Variants in PASD1 observed in about 807,000 individuals in gnomAD.
PASD1 encodes the protein PAS domain containing repressor 1.
PASD1 carries 13 observed loss-of-function variants against 58.8 expected under a neutral mutation model. The ratio of observed to expected loss-of-function variants is 0.22; its 90% CI spans 0.14 to 0.35. PASD1 has a LOEUF of 0.35. Among genes scored for constraint, PASD1 ranks in the 10% least tolerant of loss-of-function variants. PASD1 has a pLI of 1.00. For synonymous variants in PASD1, 236 were observed against 216.7 expected (o/e 1.09, Z -0.78); for missense variants, 734 against 568.3 (o/e 1.29, Z -2.96).
chrX:151,588,045 A>C (rs2013192597), intron 1 of PASD1, among the ~76,000 whole-genome samples: 1 of 112,159 alleles, frequency 8.9e-6, no homozygotes, highest in Admixed American at 9.5e-5. Flanking sequence ...CTCACTGATT[A>C]AATGCCTTTA....
At chrX:151,629,298 TTAGTAGGGACGGG>T (rs1426069914) in intron 8 of PASD1, among the ~76,000 whole-genome samples, 2 of 110,595 alleles carry the variant, frequency 1.8e-5, no homozygotes, top group Non-Finnish European at 3.8e-5. Flanking sequence ...TTTTATATTT[TTAGTAGGGACGGG>T]GTTTCACCAT....
Position 151,672,336 on chromosome X carries a change from A to C in PASD1, c.1591A>C (p.Lys531Gln), listed in dbSNP as rs928710934. 3 of 1,178,298 alleles carry C rather than the reference A, an allele frequency of 2.5e-6. No homozygotes were observed. Among genetic ancestry groups the C allele is most frequent in the Admixed American group, 5.0e-5 (2 of 40,053 alleles). The change falls in exon 14 of 16, where the codon AAG (lysine) becomes CAG (glutamine). Residue 531 changes from lysine (K) to glutamine (Q), a missense_variant. Lys to Gln is a moderately conservative substitution (Grantham distance 53, BLOSUM62 1). Coordinates refer to ENST00000370357, the MANE Select transcript of PASD1 (RefSeq NM_173493.3). ...GGAGCAGAAAATGCAGGAGAAGAAG[A>C]AGCTGCAGGAGCAGAGGCGGCAAAA... ...LQEQKMQEKK[K>Q]LQEQRRQKKK...
At chrX:151,646,633 T>G (rs137919556) in intron 8 of PASD1, among the ~76,000 whole-genome samples, 2 of 112,784 alleles carry the variant, frequency 1.8e-5, no homozygotes, top group Non-Finnish European at 3.7e-5. Flanking sequence ...TATAAAGTTA[T>G]GCACTATTTA....
At chrX:151,620,706 G>A (rs2013694660) in intron 4 of PASD1, among the ~76,000 whole-genome samples, 1 of 110,868 alleles carries the variant, frequency 9.0e-6, no homozygotes, top group Non-Finnish European at 1.9e-5. Flanking sequence ...TATGGTAGAG[G>A]GAAAGAGCAC....
At chrX:151,668,201 A>G (rs2124315449) in intron 11 of PASD1, among the ~76,000 whole-genome samples, 1 of 111,699 alleles carries the variant, frequency 9.0e-6, no homozygotes, top group South Asian at 3.8e-4. Context: ...ATTTACTGAG[A>G]GTTTTTAGCA....
chrX:151,580,508 C>CTTTTTTTTTTTTTTTTTTTTTTTTTTT (rs200293926), intron 1 of PASD1, among the ~76,000 whole-genome samples: 1 of 67,186 alleles, frequency 1.5e-5, no homozygotes, highest in Non-Finnish European at 3.0e-5. Flanking sequence ...TTCTTTTTTT[C>CTTTTTTTTTTTTTTTTTTTTTTTTTTT]TTTTTTTTTT....
chrX:151,600,215 T>C (rs1330315052), intron 1 of PASD1, among the ~76,000 whole-genome samples: 1 of 108,077 alleles, frequency 9.3e-6, no homozygotes, highest in Non-Finnish European at 1.9e-5. Flanking sequence ...ATGGTGGCAG[T>C]ACAGTCCAGC....
rs778651861 is a variant in PASD1 at position 151,648,718 on chromosome X, A to G, written c.717+16A>G. 9 of 1,202,458 alleles carry G rather than the reference A, an allele frequency of 7.5e-6. No individual in the cohort carries two copies. The highest frequency in any genetic ancestry group is 9.0e-6 in the Non-Finnish European group (8 of 888,769). ...TATCTCAGACGTATGTACATTGAGG[A>G]CCATAGACTACAATCTTAGACCCTT... On this transcript the variant is annotated intron_variant, in intron 9 of 15. Transcript: ENST00000370357.
Position 151,599,758 on chromosome X carries a change from A to G in PASD1, c.-27-1769A>G, listed in dbSNP as rs745862421. Among the ~76,000 whole-genome samples the G allele has an allele frequency of 9.1e-3, 935 of 103,302 alleles. 9 individuals carry two copies. The highest frequency in any genetic ancestry group is 0.032 in the African/African-American group (890 of 27,774). The allele number at this position is 103,302 out of a possible 115,157, so 89.7% of individuals were successfully genotyped here. Reference sequence around the variant, plus strand: ...CTCCTAGATGGGATGACGGCTGGGAAGAGGCGCTCCTCACTTCCCAGACTG... The same window carrying G: ...CTCCTAGATGGGATGACGGCTGGGAGGAGGCGCTCCTCACTTCCCAGACTG... On this transcript the variant is annotated intron_variant, in intron 1 of 15. Transcript: ENST00000370357.
chrX:151,625,134 T>G (rs941967756), intron 7 of PASD1, among the ~76,000 whole-genome samples: 13 of 112,123 alleles, frequency 1.2e-4, no homozygotes, highest in African/African-American at 3.9e-4. Flanking sequence ...GAAAAAAATC[T>G]TGTGCAAACA....
intron 4 of PASD1, among the ~76,000 whole-genome samples, chrX:151,612,503 G>A (rs751913508): frequency 9.1e-6 from 1 of 109,884 alleles, no homozygotes; most frequent in Non-Finnish European, 1.9e-5. Flanking sequence ...TTTAATGATC[G>A]CCATTCTAAC....
At chrX:151,600,582 A>G (rs1039715126) in intron 1 of PASD1, among the ~76,000 whole-genome samples, 1 of 109,984 alleles carries the variant, frequency 9.1e-6, no homozygotes, top group Admixed American at 9.6e-5. Flanking sequence ...TTTTTTTTTC[A>G]ATGTAATGTT....
In PASD1 at chrX:151,673,998, G is replaced by A; in HGVS notation, c.1987G>A (p.Ala663Thr). The change falls in exon 15 of 16, where the codon GCA becomes ACA. Residue 663 changes from alanine to threonine, a missense_variant. Transcript: ENST00000370357. ...ATTGATAGATACCTCAAACTCTGAGGCAATTTCTTCTTCCAGCATTCCTCA... is the reference window on the plus strand; with the variant it reads ...ATTGATAGATACCTCAAACTCTGAGACAATTTCTTCTTCCAGCATTCCTCA... Reference protein sequence around the residue: ...LPLIDTSNSEAISSSSIPQFP... With the variant: ...LPLIDTSNSETISSSSIPQFP... 1.7e-6 allele frequency: 2 copies of A among 1,210,851 alleles called. No homozygotes were observed. The highest frequency in any genetic ancestry group is 2.2e-6 in the Non-Finnish European group (2 of 894,712).
chrX:151,667,021 T>C (rs769947997), intron 11 of PASD1, among the ~76,000 whole-genome samples: 4 of 111,242 alleles, frequency 3.6e-5, no homozygotes, highest in African/African-American at 1.3e-4. Flanking sequence ...AGTGTTCCTA[T>C]TTCTCCACAT....
At chrX:151,580,508 C>CTT (rs200293926) in intron 1 of PASD1, among the ~76,000 whole-genome samples, 71 of 67,147 alleles carry the variant, frequency 1.1e-3, no homozygotes, top group African/African-American at 2.9e-3. Flanking sequence ...TTCTTTTTTT[C>CTT]TTTTTTTTTT....
intron 1 of PASD1, among the ~76,000 whole-genome samples, chrX:151,579,236 T>C (rs1229079037): frequency 8.9e-6 from 1 of 112,383 alleles, no homozygotes; most frequent in Admixed American, 9.5e-5. Flanking sequence ...CAATGTCATA[T>C]AAAATGTTAA....
Position 151,664,148 on chromosome X carries a change from C to A in PASD1, c.871C>A (p.Pro291Thr). The A allele has an allele frequency of 8.3e-7, 1 of 1,210,483 alleles. No individual in the cohort carries two copies. The highest frequency in any genetic ancestry group is 1.1e-6 in the Non-Finnish European group (1 of 895,335). The change falls in exon 11 of 16, where the codon CCT (proline) becomes ACT (threonine). Residue 291 changes from proline (P) to threonine (T), a missense_variant. By Grantham distance (38) the Pro-to-Thr change is conservative. Transcript: ENST00000370357. ...ALSLQDFRGE[P>T]EVNPLYRADP... is the part of the protein sequence containing the mutation. ...ATCCTTGCAAGACTTTCGAGGTGAG[C>A]CTGAGGTGAATCCATTGTACAGGGC... is the stretch of plus-strand genomic sequence containing the variant.
intron 8 of PASD1, among the ~76,000 whole-genome samples, chrX:151,637,710 T>A (rs2013948236): frequency 9.0e-6 from 1 of 111,340 alleles, no homozygotes; most frequent in Non-Finnish European, 1.9e-5. Context: ...GAGTGCTAGG[T>A]GTTGTCATTT....
At chrX:151,610,873 C>CGT (rs2013547499) in intron 3 of PASD1, among the ~76,000 whole-genome samples, 1 of 111,503 alleles carries the variant, frequency 9.0e-6, no homozygotes, top group African/African-American at 3.3e-5. Flanking sequence ...CTGAGGCAGA[C>CGT]ATGCACATTC....
Sources: gnomAD v4.1 joint callset for allele counts (sites outside exome capture counted in the v4.1 genomes callset) on GRCh38, gnomAD v4.1.1 for gene constraint, MANE v1.5 for transcripts, NCBI Gene and HGNC (gene_info 2026-07-23, HGNC 2026-07-21) for gene names.